Variants in EBF3 observed in about 807,000 individuals in gnomAD.
EBF3 encodes transcription factor COE3.
Under a neutral mutation model 77.1 loss-of-function variants are expected in EBF3, and 18 were observed. The ratio of observed to expected loss-of-function variants is 0.23; its 90% CI spans 0.16 to 0.35. The LOEUF (loss-of-function observed/expected upper bound fraction) is 0.35, where lower values mean the gene tolerates loss of function less well. Ranked by LOEUF, EBF3 falls within the 10% of genes least tolerant of loss-of-function variation. The pLI is 1.00. For missense variants in EBF3, 558 were observed against 860.0 expected (o/e 0.65, Z 4.39); for synonymous variants, 350 against 343.5 (o/e 1.02, Z -0.21).
intron 6 of EBF3, among the ~76,000 whole-genome samples, chr10:129,939,501 T>C (rs2134475054): frequency 6.6e-6 from 1 of 152,324 alleles, no homozygotes; most frequent in East Asian, 1.9e-4. Flanking sequence ...TTTAAAGACT[T>C]GGGGTTTTTG....
intron 10 of EBF3, among the ~76,000 whole-genome samples, chr10:129,865,819 G>A (rs559612096): frequency 2.0e-4 from 30 of 152,266 alleles, no homozygotes; most frequent in African/African-American, 5.8e-4. Context: ...CATGTCACCC[G>A]CTCTCTGGAC....
In EBF3 at chr10:129,838,993, C is replaced by G. The variant is rs1007315503; in HGVS notation, c.1872+90G>C. ...CCTGGTGTGGTGCCCGCTGATGGCACGCAGGCCAGTCGGCGGCACTTCGGG... is the reference window on the plus strand; with the variant it reads ...CCTGGTGTGGTGCCCGCTGATGGCAGGCAGGCCAGTCGGCGGCACTTCGGG... On this transcript the variant is annotated intron_variant, in intron 16 of 16. Transcript: ENST00000440978. 9.1e-6 allele frequency: 11 copies of G among 1,206,970 alleles called. No individual in the cohort carries two copies. The Admixed American group carries it at 9.5e-5, about 10-fold the overall frequency. 74.8% of individuals were successfully genotyped at this position (1,206,970 alleles called of 1,614,324 possible).
chr10:129,867,040 C>T (rs1307922051), intron 10 of EBF3, 101 bp downstream of exon 10: 13 of 1,442,688 alleles, frequency 9.0e-6, no homozygotes, highest in African/African-American at 2.9e-5. Flanking sequence ...TTCCACAGAC[C>T]CCTGCCCTCT....
In EBF3 at chr10:129,963,309, C is replaced by A; in HGVS notation, c.291+58G>T. ...GGGCACTCGAACCCCCGCGCACCGG[C>A]ACCGCCTGCCTCCCGCTTCTAGAAA... is the stretch of plus-strand genomic sequence containing the variant. On this transcript the variant is annotated intron_variant, in intron 2 of 16. Transcript: ENST00000440978. This position sits in a 1 kb window ranked among gnomAD's most constrained non-coding sequence, Gnocchi z 7.1. 6.5e-7 allele frequency: 1 copy of A among 1,548,402 alleles called. No homozygotes were observed.
At chr10:129,931,843 G>A (rs550484880) in intron 6 of EBF3, among the ~76,000 whole-genome samples, 2 of 152,200 alleles carry the variant, frequency 1.3e-5, no homozygotes, top group Non-Finnish European at 2.9e-5. Flanking sequence ...GACCAGGCAG[G>A]AGGGACCCTA....
At chr10:129,860,244 C>T (rs917430001) in intron 10 of EBF3, among the ~76,000 whole-genome samples, 52 of 152,050 alleles carry the variant, frequency 3.4e-4, no homozygotes, top group African/African-American at 1.1e-3. Flanking sequence ...GCTCTACCCC[C>T]GACTCTCCTC....
chr10:129,838,489 G>A (rs985988674), intron 16 of EBF3, among the ~76,000 whole-genome samples: 1 of 152,292 alleles, frequency 6.6e-6, no homozygotes, highest in Admixed American at 6.5e-5. Flanking sequence ...TATCGTAATG[G>A]TGAGTCAGGG....
intron 10 of EBF3, among the ~76,000 whole-genome samples, chr10:129,853,673 T>C (rs549182259): frequency 3.5e-4 from 53 of 152,352 alleles, no homozygotes; most frequent in African/African-American, 1.3e-3. Flanking sequence ...AAGCCGTCAG[T>C]GTGCCTGAAT....
chr10:129,882,712 G>T (rs919860053), intron 6 of EBF3, among the ~76,000 whole-genome samples: 3 of 152,226 alleles, frequency 2.0e-5, no homozygotes, highest in Non-Finnish European at 4.4e-5. Context: ...GAGAAAAGCT[G>T]ATGAGATGCA....
Position 129,842,972 on chromosome 10 carries a change from A to AAGGATGGGAAG in EBF3, c.1194+164_1194+165insCTTCCCATCCT, listed in dbSNP as rs1850192878. Among the ~76,000 whole-genome samples, 4 of 151,962 alleles carry AAGGATGGGAAG rather than the reference A, an allele frequency of 2.6e-5. No individual in the cohort carries two copies. Among genetic ancestry groups the AAGGATGGGAAG allele is most frequent in the Non-Finnish European group, 4.4e-5 (3 of 68,000 alleles). On this transcript the variant is annotated intron_variant, in intron 12 of 16. Coordinates refer to ENST00000440978, the MANE Select transcript of EBF3 (RefSeq NM_001375380.1). The surrounding 1 kb of genome is among the most constrained non-coding windows in gnomAD (Gnocchi z 4.4). ...ACACCAACTCATCATTTCTACGTGA[A>AAGGATGGGAAG]CCTAGCGTGAGGGCAAGGATGGGAA... is the stretch of plus-strand genomic sequence containing the variant.
rs980103097 is a variant in EBF3, at chr10:129,935,839, G to A, written c.554+21419C>T. Among the ~76,000 whole-genome samples, 7 of 152,342 alleles carry A rather than the reference G, an allele frequency of 4.6e-5. No individual in the cohort carries two copies. The highest frequency in any genetic ancestry group is 3.4e-3 in the Middle Eastern group (1 of 294). ...TAGAATGTGGGCTGGGGACAGGAGA[G>A]GCCAAGACACCAAGAGCGGCCACGA... On this transcript the variant is annotated intron_variant, in intron 6 of 16. Transcript: ENST00000440978. This position sits in a 1 kb window ranked among gnomAD's most constrained non-coding sequence, Gnocchi z 4.2.
At chr10:129,858,765 C>CA (rs1404204223) in intron 10 of EBF3, among the ~76,000 whole-genome samples, 1 of 152,162 alleles carries the variant, frequency 6.6e-6, no homozygotes, top group Non-Finnish European at 1.5e-5. Context: ...GTCCAGGCCT[C>CA]AGAGGCTCCA....
chr10:129,884,357 G>A (rs1367637941), intron 6 of EBF3, among the ~76,000 whole-genome samples: 2 of 152,142 alleles, frequency 1.3e-5, no homozygotes, highest in African/African-American at 2.4e-5. Context: ...AGGTCAATAC[G>A]TATTGGATTT....
Position 129,864,252 on chromosome 10 carries a change from A to G in EBF3, c.1039+2889T>C, listed in dbSNP as rs1445637460. On this transcript the variant is annotated intron_variant, in intron 10 of 16. Transcript: ENST00000440978. This position sits in a 1 kb window ranked among gnomAD's most constrained non-coding sequence, Gnocchi z 4.4. ...CCCCTCCCTGCACCAGCCCCAGAGCAGCAAAAGCAGGGCCCGGCCATGCTG... is the reference window on the plus strand; with the variant it reads ...CCCCTCCCTGCACCAGCCCCAGAGCGGCAAAAGCAGGGCCCGGCCATGCTG... 6.6e-6 allele frequency among the ~76,000 whole-genome samples: 1 copy of G among 152,182 alleles called. No individual in the cohort carries two copies. Among genetic ancestry groups the G allele is most frequent in the East Asian group, 1.9e-4 (1 of 5,180 alleles).
chr10:129,942,966 T>C (rs1857885541), intron 6 of EBF3, among the ~76,000 whole-genome samples: 1 of 152,154 alleles, frequency 6.6e-6, no homozygotes, highest in Non-Finnish European at 1.5e-5. Context: ...CAAGATACAT[T>C]CTAATTTACA....
At chr10:129,845,933 A>T (rs77657671) in intron 11 of EBF3, 3 of 141,032 alleles carry the variant, frequency 2.1e-5, no homozygotes, top group Admixed American at 7.1e-5. Context: ...TTCTGCTTTC[A>T]TTTTTTTTTT....
At chr10:129,889,345 G>A (rs890227039) in intron 6 of EBF3, among the ~76,000 whole-genome samples, 6 of 152,240 alleles carry the variant, frequency 3.9e-5, no homozygotes, top group African/African-American at 7.2e-5. Flanking sequence ...CTTCTCGGAC[G>A]GGCCTCAGCG....
intron 10 of EBF3, among the ~76,000 whole-genome samples, chr10:129,865,603 A>T (rs980112597): frequency 6.6e-6 from 1 of 152,070 alleles, no homozygotes; most frequent in Admixed American, 6.5e-5. Context: ...TGTCGACTGG[A>T]CACCTCTGGG....
At chr10:129,838,389 C>G (rs2133931179) in intron 16 of EBF3, among the ~76,000 whole-genome samples, 1 of 152,350 alleles carries the variant, frequency 6.6e-6, no homozygotes, top group Admixed American at 6.5e-5. Context: ...CTCACAGGCC[C>G]TGCTCTCGCT....
Sources: gnomAD v4.1 joint callset for allele counts (sites outside exome capture counted in the v4.1 genomes callset) on GRCh38, gnomAD v4.1.1 for gene constraint, Gnocchi (gnomAD v3.1) non-coding constraint, MANE v1.5 for transcripts, NCBI Gene and HGNC (gene_info 2026-07-23, HGNC 2026-07-21) for gene names.